Variants in NWD2 observed in about 807,000 individuals in gnomAD.
The protein encoded by NWD2 is NACHT and WD repeat domain containing 2.
NWD2 carries 37 observed loss-of-function variants against 132.7 expected under a neutral mutation model. The ratio of observed to expected loss-of-function variants is 0.28; its 90% CI spans 0.21 to 0.37. NWD2 has a LOEUF of 0.37. Among genes scored for constraint, NWD2 ranks in the 10% least tolerant of loss-of-function variants. NWD2 has a pLI of 1.00. For missense variants in NWD2, 1,592 were observed against 2,122.4 expected (o/e 0.75, Z 4.91); for synonymous variants, 705 against 803.0 (o/e 0.88, Z 2.06).
intron 3 of NWD2, among the ~76,000 whole-genome samples, chr4:37,369,730 G>A (rs1237180877): frequency 6.6e-6 from 1 of 152,168 alleles, no homozygotes. Flanking sequence ...AAGGTAGAGG[G>A]GGGGTCAAAG....
At chr4:37,360,549 T>C (rs1719962033) in intron 3 of NWD2, among the ~76,000 whole-genome samples, 1 of 152,228 alleles carries the variant, frequency 6.6e-6, no homozygotes, top group Non-Finnish European at 1.5e-5. Flanking sequence ...GGAGGGATTC[T>C]GACCAAGGCA....
At chr4:37,378,792 C>T (rs1196488681) in intron 3 of NWD2, among the ~76,000 whole-genome samples, 1 of 152,086 alleles carries the variant, frequency 6.6e-6, no homozygotes, top group Non-Finnish European at 1.5e-5. Flanking sequence ...GGCTCAACAA[C>T]AGATTTCTTT....
At chr4:37,293,031 A>G (rs1436706630) in intron 1 of NWD2, among the ~76,000 whole-genome samples, 1 of 152,160 alleles carries the variant, frequency 6.6e-6, no homozygotes, top group Non-Finnish European at 1.5e-5. Flanking sequence ...GATTAAATCT[A>G]TTTTCTGAAA....
At position 37,245,193 on chromosome 4, in the gene NWD2, G is replaced by A. The variant is rs1190336512; in HGVS notation, c.126G>A (p.Arg42=). 6.5e-7 allele frequency: 1 copy of A among 1,542,944 alleles called. No individual in the cohort carries two copies. The highest frequency in any genetic ancestry group is 1.2e-5 in the South Asian group (1 of 83,862). Residue 42 remains arginine (R), a synonymous_variant, in exon 1 of 7, where the codon CGG becomes CGA. Coordinates refer to ENST00000309447, the MANE Select transcript of NWD2 (RefSeq NM_001144990.2). Reference sequence around the variant, plus strand: ...TCGTGCCCGCCGGCCGCAGCGTCCGGGTCTTCATCAGCGCCAACCCTGAAG... The same window carrying A: ...TCGTGCCCGCCGGCCGCAGCGTCCGAGTCTTCATCAGCGCCAACCCTGAAG... ...SHLVPAGRSV[R]VFISANPEDT... is the part of the protein sequence containing the mutation.
At chr4:37,441,022 A>G (rs1351825728) in intron 6 of NWD2, among the ~76,000 whole-genome samples, 2 of 152,242 alleles carry the variant, frequency 1.3e-5, no homozygotes, top group African/African-American at 2.4e-5. Flanking sequence ...AGACAGTTGC[A>G]TTACACTGTA....
At chr4:37,271,174 G>T (rs1331895685) in intron 1 of NWD2, among the ~76,000 whole-genome samples, 1 of 151,780 alleles carries the variant, frequency 6.6e-6, no homozygotes, top group African/African-American at 2.4e-5. Context: ...ATTAGATAGT[G>T]TAAGTCCATC....
In NWD2 at chr4:37,434,475, G is replaced by C. The variant is rs142559427; in HGVS notation, c.706+455G>C. On this transcript the variant is annotated intron_variant, in intron 5 of 6. Coordinates refer to ENST00000309447, the MANE Select transcript of NWD2 (RefSeq NM_001144990.2). ...ATAAAATATATATTCATAAATGATA[G>C]CCAAGTAATCAAATAAATGAACAAG... 4.7e-4 allele frequency among the ~76,000 whole-genome samples: 72 copies of C among 152,242 alleles called. 1 individual carries two copies. The East Asian group carries it at 0.014, about 29-fold the overall frequency.
chr4:37,300,446 G>T (rs966300991), intron 1 of NWD2, among the ~76,000 whole-genome samples: 16 of 151,924 alleles, frequency 1.1e-4, no homozygotes, highest in Non-Finnish European at 1.5e-5. Context: ...GATCATACGG[G>T]GTTTTCTTTA....
chr4:37,367,339 A>G (rs1720122595), intron 3 of NWD2, among the ~76,000 whole-genome samples: 2 of 152,218 alleles, frequency 1.3e-5, no homozygotes, highest in African/African-American at 4.8e-5. Flanking sequence ...ACAAATTTCA[A>G]ATTATGGATT....
intron 2 of NWD2, among the ~76,000 whole-genome samples, chr4:37,330,653 C>T (rs1179830000): frequency 6.6e-6 from 1 of 152,182 alleles, no homozygotes; most frequent in African/African-American, 2.4e-5. Context: ...TAGTAGATTG[C>T]AAGTCCTTGA....
chr4:37,365,187 G>A (rs562929221), intron 3 of NWD2, among the ~76,000 whole-genome samples: 55 of 152,190 alleles, frequency 3.6e-4, no homozygotes, highest in African/African-American at 1.3e-3. Flanking sequence ...AATAATTACA[G>A]TATTTTTAAA....
intron 1 of NWD2, among the ~76,000 whole-genome samples, chr4:37,264,086 C>A (rs1330273435): frequency 6.6e-6 from 1 of 152,218 alleles, no homozygotes; most frequent in African/African-American, 2.4e-5. Context: ...CCAACCCATT[C>A]AATCAGAGGA....
intron 3 of NWD2, among the ~76,000 whole-genome samples, chr4:37,415,909 T>A (rs1267371091): frequency 1.3e-5 from 2 of 152,204 alleles, no homozygotes; most frequent in African/African-American, 4.8e-5. Context: ...AGGCCCATGA[T>A]GCACAGGCCA....
At chr4:37,399,887 G>C (rs906836398) in intron 3 of NWD2, among the ~76,000 whole-genome samples, 3 of 152,144 alleles carry the variant, frequency 2.0e-5, no homozygotes, top group East Asian at 3.8e-4. Context: ...GGAGAGGCCC[G>C]GTGTTTTAAC....
chr4:37,372,030 A>G (rs66623525), intron 3 of NWD2, among the ~76,000 whole-genome samples: 14,889 of 152,206 alleles, frequency 0.098, 780 homozygotes, highest in Middle Eastern at 0.13. Flanking sequence ...TCATTTTTAT[A>G]TAGTATGTTG....
At chr4:37,302,190 A>G (rs1577660883) in intron 1 of NWD2, among the ~76,000 whole-genome samples, 1 of 151,876 alleles carries the variant, frequency 6.6e-6, no homozygotes, top group Non-Finnish European at 1.5e-5. Context: ...TAGCTCCCAC[A>G]TGTGAGTGTG....
intron 3 of NWD2, among the ~76,000 whole-genome samples, chr4:37,387,394 T>A (rs1347571120): frequency 6.6e-6 from 1 of 152,124 alleles, no homozygotes. Context: ...CAGCCACATT[T>A]TAAATGCTTA....
chr4:37,281,346 A>ATT (rs140623328), intron 1 of NWD2, among the ~76,000 whole-genome samples: 3 of 149,600 alleles, frequency 2.0e-5, no homozygotes, highest in Non-Finnish European at 3.0e-5. Flanking sequence ...TAGAATCTAC[A>ATT]TTTTTTTTTT....
At chr4:37,282,054 A>G (rs1383032512) in intron 1 of NWD2, among the ~76,000 whole-genome samples, 2 of 152,174 alleles carry the variant, frequency 1.3e-5, no homozygotes. Flanking sequence ...AATTTTGCTT[A>G]TATCAGCCAA....
Sources: allele counts gnomAD v4.1 joint callset (sites outside exome capture counted in the v4.1 genomes callset), GRCh38; gene constraint gnomAD v4.1.1; transcripts MANE v1.5; gene names NCBI Gene and HGNC (gene_info 2026-07-23, HGNC 2026-07-21).